Variants in PPFIA4 observed in about 807,000 individuals in gnomAD.
PPFIA4 encodes PPFI scaffold protein A4.
In PPFIA4, 98 loss-of-function variants were observed where a neutral mutation model predicts 145.7. The observed-to-expected ratio is 0.67, with a 90% CI of 0.57 to 0.80. The LOEUF is 0.80. Among genes scored for constraint, PPFIA4 ranks in the 30% least tolerant of loss-of-function variants. The pLI, the probability that PPFIA4 is intolerant of heterozygous loss-of-function variation, is 0.00. For missense variants in PPFIA4, 1,457 were observed against 1,632.7 expected (o/e 0.89, Z 1.85); for synonymous variants, 628 against 649.6 (o/e 0.97, Z 0.51).
At position 203,068,151 on chromosome 1, in the gene PPFIA4, G is replaced by A. The variant is rs1661864233; in HGVS notation, c.3149-302G>A. The stretch of plus-strand genomic sequence containing the variant: ...CCTTGAAGGTGGAAAGAATAAGAAG[G>A]CCATTCCAGCTTGGGTCAGGGGGAT... On this transcript the variant is annotated intron_variant, in intron 26 of 29. Transcript: ENST00000295706. This position sits in a 1 kb window ranked among gnomAD's most constrained non-coding sequence, Gnocchi z 4.7. Among the ~76,000 whole-genome samples, 1 of 152,194 alleles carries A rather than the reference G, an allele frequency of 6.6e-6. No homozygotes were observed. Among genetic ancestry groups the A allele is most frequent in the African/African-American group, 2.4e-5 (1 of 41,440 alleles).
At chr1:203,041,401 G>A (rs1016990827) in intron 2 of PPFIA4, among the ~76,000 whole-genome samples, 3 of 152,228 alleles carry the variant, frequency 2.0e-5, no homozygotes, top group Non-Finnish European at 4.4e-5. Context: ...AGATCAGCCT[G>A]GGCAATGTGG....
At chr1:203,034,552 G>A (rs1045026008) in intron 1 of PPFIA4, 5 of 456,428 alleles carry the variant, frequency 1.1e-5, no homozygotes, top group African/African-American at 4.0e-5. Flanking sequence ...GGGAGTGGGG[G>A]GCAGTGGGGG....
At position 203,048,107 on chromosome 1, in the gene PPFIA4, G is replaced by A. The variant is rs1017791598; in HGVS notation, c.1141-120G>A. On this transcript the variant is annotated intron_variant, in intron 9 of 29. Transcript: ENST00000295706. This position sits in a 1 kb window ranked among gnomAD's most constrained non-coding sequence, Gnocchi z 5.8. ...CCAAGATGATAAGTGGAGGCTGAGC[G>A]TCACTGGTACTGGGGGCCATGATCC... 49 of 824,646 alleles carry A rather than the reference G, an allele frequency of 5.9e-5. No individual in the cohort carries two copies. In the Admixed American group the frequency reaches 9.2e-4, roughly 16 times the overall value. The allele number at this position is 824,646 out of a possible 1,614,324, so 51.1% of individuals were successfully genotyped here.
chr1:203,051,306 G>T, intron 13 of PPFIA4: 2 of 987,750 alleles, frequency 2.0e-6, no homozygotes, highest in Non-Finnish European at 2.4e-6. Context: ...CCGAGGAAAA[G>T]TGCTGGGTAG....
intron 20 of PPFIA4, 104 bp downstream of exon 20, chr1:203,059,375 C>A: frequency 1.0e-6 from 1 of 1,001,258 alleles, no homozygotes; most frequent in Non-Finnish European, 1.5e-6. Context: ...CAGACCCCAG[C>A]AAGGCCCTTC....
chr1:203,070,893 A>G (rs1662105150), intron 27 of PPFIA4, among the ~76,000 whole-genome samples: 1 of 151,882 alleles, frequency 6.6e-6, no homozygotes, highest in Non-Finnish European at 1.5e-5. Context: ...CCCCTTTCAG[A>G]CAATTTTTTT....
Position 203,076,468 on chromosome 1 carries a change from T to G in PPFIA4, c.*78T>G. The G allele has an allele frequency of 7.3e-7, 1 of 1,378,130 alleles. No homozygotes were observed. 85.4% of individuals were successfully genotyped at this position (1,378,130 alleles called of 1,614,324 possible). ...CCCTGACCCCTCTTGCTCGTTCCCC[T>G]TCCTTCCGCAGCTCCTAGTCTCGTC... On this transcript the variant is annotated 3_prime_UTR_variant, in exon 30 of 30. Transcript: ENST00000295706.
chr1:203,039,203 G>T lies in PPFIA4; in HGVS notation c.195G>T (p.Arg65=). The T allele has an allele frequency of 1.2e-6, 2 of 1,605,064 alleles. No individual in the cohort carries two copies. The highest frequency in any genetic ancestry group is 4.5e-5 in the East Asian group (2 of 44,556). Residue 65 remains arginine, a synonymous_variant, in exon 2 of 30, where the codon CGG becomes CGT. Coordinates refer to ENST00000295706, the MANE Select transcript of PPFIA4 (RefSeq NM_001304331.2). The part of the protein sequence containing the change: ...QSRLQDAIHE[R]DQLQRHLNSA... ...GGCTCCAGGATGCCATACACGAGCG[G>T]GACCAGCTCCAGCGCCACCTTAACT...
chr1:203,041,605 C>T (rs1239886692), intron 2 of PPFIA4, among the ~76,000 whole-genome samples: 1 of 152,068 alleles, frequency 6.6e-6, no homozygotes, highest in African/African-American at 2.4e-5. Flanking sequence ...TTGTAGACAG[C>T]ATTGTGCTTT....
In PPFIA4 at chr1:203,044,007, C is replaced by T. The variant is rs148398672; in HGVS notation, c.413C>T (p.Ala138Val). ...CGGATGACTGTGGTGAAGCGCCAGG[C>T]CCAGTCACCTTCGGGGGTCTCCAGT... ...SLRMTVVKRQ[A>V]QSPSGVSSEV... The change falls in exon 4 of 30, where the codon GCC becomes GTC. Residue 138 changes from alanine (A) to valine (V), a missense_variant. Coordinates refer to ENST00000295706, the MANE Select transcript of PPFIA4 (RefSeq NM_001304331.2). The T allele has an allele frequency of 6.3e-4, 1,022 of 1,612,590 alleles. 7 individuals carry two copies. The African/African-American group carries it at 0.012, about 19-fold the overall frequency.
chr1:203,046,130 A>G, intron 8 of PPFIA4, 118 bp from the exon 9 acceptor site: 1 of 1,550,546 alleles, frequency 6.4e-7, no homozygotes, highest in Admixed American at 1.8e-5. Context: ...CGGGCAGCCA[A>G]CAACCAAGAT....
intron 24 of PPFIA4, 128 bp from the exon 25 acceptor site, chr1:203,063,700 A>G (rs1661543771): frequency 1.1e-6 from 1 of 872,392 alleles, no homozygotes; most frequent in Non-Finnish European, 1.8e-6. Flanking sequence ...CTGAAATTGT[A>G]TTGGACTGCC....
At chr1:203,059,904 G>T in intron 21 of PPFIA4, 53 bp downstream of exon 21, 1 of 1,446,746 alleles carries the variant, frequency 6.9e-7, no homozygotes, top group South Asian at 1.2e-5. Flanking sequence ...AGGATGCTTG[G>T]GGTGGGCAGA....
rs1661916007 is a variant in PPFIA4 at position 203,068,745 on chromosome 1, G to C, written c.3324+117G>C. On this transcript the variant is annotated intron_variant, in intron 27 of 29. Transcript: ENST00000295706. The surrounding 1 kb of genome is among the most constrained non-coding windows in gnomAD (Gnocchi z 4.7). ...TTGGGGGGTGGGGAGCTTTTCTAGG[G>C]CCTATGCCAGAGGGGATCGCAATGT... 2.8e-6 allele frequency: 3 copies of C among 1,088,390 alleles called. No individual in the cohort carries two copies. Among genetic ancestry groups the C allele is most frequent in the Non-Finnish European group, 3.7e-6 (3 of 802,392 alleles). 67.4% of individuals were successfully genotyped at this position (1,088,390 alleles called of 1,614,324 possible).
At chr1:203,033,424 G>A (rs1217390372) in intron 1 of PPFIA4, among the ~76,000 whole-genome samples, 2 of 152,158 alleles carry the variant, frequency 1.3e-5, no homozygotes, top group Non-Finnish European at 1.5e-5. Context: ...GCCTTGAGGC[G>A]CTTTGGGAGC....
Position 203,075,888 on chromosome 1 carries a change from C to A in PPFIA4, c.3574+131C>A. The A allele has an allele frequency of 1.1e-6, 1 of 943,556 alleles. No individual in the cohort carries two copies. Among genetic ancestry groups the A allele is most frequent in the Non-Finnish European group, 1.5e-6 (1 of 687,588 alleles). 58.4% of individuals were successfully genotyped at this position (943,556 alleles called of 1,614,324 possible). A position where few individuals can be genotyped will look rare whatever the true frequency, so the allele number is the denominator to read the frequency against. On this transcript the variant is annotated intron_variant, in intron 29 of 29. Transcript: ENST00000295706. The surrounding 1 kb of genome is among the most constrained non-coding windows in gnomAD (Gnocchi z 4.1). ...GCCCCGCGCTCCTGCGCTGCAGCTG[C>A]ACTAACGCTCCGCGGGGAGCGTGTG...
intron 14 of PPFIA4, 125 bp from the exon 15 acceptor site, chr1:203,053,628 G>A: frequency 2.6e-6 from 2 of 765,082 alleles, no homozygotes; most frequent in East Asian, 2.7e-5. Context: ...GGTGCGGCCT[G>A]AGATTCTGCA....
intron 2 of PPFIA4, among the ~76,000 whole-genome samples, chr1:203,039,487 T>C (rs1354899880): frequency 6.6e-6 from 1 of 152,166 alleles, no homozygotes. Flanking sequence ...TCAGCTACAG[T>C]GAGCTCAGGC....
In PPFIA4 at chr1:203,045,375, C is replaced by T. The variant is rs762418418; in HGVS notation, c.674C>T (p.Thr225Met). The T allele has an allele frequency of 1.8e-5, 28 of 1,593,672 alleles. No individual in the cohort carries two copies. The highest frequency in any genetic ancestry group is 1.7e-4 in the Middle Eastern group (1 of 5,940). Residue 225 changes from threonine to methionine, a missense_variant, in exon 7 of 30, where the codon ACG becomes ATG. This residue lies in a region of PPFIA4 where 463 missense variants were observed against 459.8 expected (regional missense o/e 1.01). Transcript: ENST00000295706. ...LGPKRLWKED[T>M]GRVEELQELL... is the part of the protein sequence containing the mutation. ...CTGTCCCTATCCCTGGAGGAGGATA[C>T]GGGCCGGGTAGAGGAGCTGCAGGAG...
Sources: gnomAD v4.1 joint callset for allele counts (sites outside exome capture counted in the v4.1 genomes callset) on GRCh38, gnomAD v4.1.1 for gene constraint, gnomAD v4.1.1 regional missense constraint, Gnocchi (gnomAD v3.1) non-coding constraint, MANE v1.5 for transcripts, NCBI Gene and HGNC (gene_info 2026-07-23, HGNC 2026-07-21) for gene names.